The following ATXN10 variants were observed in gnomAD, a reference collection of about 807,000 sequenced individuals.
The protein encoded by ATXN10 is ataxin-10.
Under a neutral mutation model 52.9 loss-of-function variants are expected in ATXN10, and 28 were observed. That is an observed-to-expected ratio of 0.53 (90% CI 0.39 to 0.73). ATXN10 has a LOEUF of 0.73. Ranked by LOEUF, ATXN10 falls within the 30% of genes least tolerant of loss-of-function variation. The pLI is 0.00. For missense variants in ATXN10, 565 were observed against 577.0 expected (o/e 0.98, Z 0.21); for synonymous variants, 226 against 221.5 (o/e 1.02, Z -0.18).
intron 7 of ATXN10, among the ~76,000 whole-genome samples, chr22:45,735,125 C>T (rs538538905): frequency 1.3e-5 from 2 of 152,112 alleles, no homozygotes; most frequent in East Asian, 1.9e-4. Context: ...GTGATCCACC[C>T]GCCTCGGGCT....
rs570187521 is a variant in ATXN10, at chr22:45,696,533, G to A, written c.391+3455G>A. Among the ~76,000 whole-genome samples the A allele has an allele frequency of 1.1e-4, 17 of 152,294 alleles. No homozygotes were observed. The highest frequency in any genetic ancestry group is 2.4e-4 in the Non-Finnish European group (16 of 68,022). On this transcript the variant is annotated intron_variant, in intron 3 of 11. Transcript: ENST00000252934. The surrounding 1 kb of genome is among the most constrained non-coding windows in gnomAD (Gnocchi z 4.7). ...CCTCCACCATGTGCTGGATTTCATC[G>A]CCACTTGCCCACGCAGAAGCTTTTC...
chr22:45,672,019 G>C lies in ATXN10; in HGVS notation c.-45G>C. 6.6e-7 allele frequency: 1 copy of C among 1,526,448 alleles called. No individual in the cohort carries two copies. The highest frequency in any genetic ancestry group is 8.8e-7 in the Non-Finnish European group (1 of 1,139,840). The allele number at this position is 1,526,448 out of a possible 1,614,324, so 94.6% of individuals were successfully genotyped here. The stretch of plus-strand genomic sequence containing the variant: ...GTCATCCTCCCCCTTCGTCCTCCTC[G>C]CCTTCCTCCTCCTCGTCAGGCTCGA... On this transcript the variant is annotated 5_prime_UTR_variant, in exon 1 of 12. Coordinates refer to ENST00000252934, the MANE Select transcript of ATXN10 (RefSeq NM_013236.4).
At position 45,770,245 on chromosome 22, in the gene ATXN10, A is replaced by C. The variant is rs556854304; in HGVS notation, c.1173+29707A>C. On this transcript the variant is annotated intron_variant, in intron 9 of 11. Coordinates refer to ENST00000252934, the MANE Select transcript of ATXN10 (RefSeq NM_013236.4). The surrounding 1 kb of genome is among the most constrained non-coding windows in gnomAD (Gnocchi z 4.5). ...CCCATATCTATTTAAATCCCATCTT[A>C]AGCAGAGTTTTTAAAAATGTGGGTT... Among the ~76,000 whole-genome samples the C allele has an allele frequency of 2.0e-5, 3 of 152,340 alleles. No homozygotes were observed. In the South Asian group the frequency reaches 6.2e-4, roughly 32 times the overall value.
At chr22:45,720,554 C>T (rs542383662) in intron 6 of ATXN10, among the ~76,000 whole-genome samples, 121 of 152,250 alleles carry the variant, frequency 7.9e-4, no homozygotes, top group Non-Finnish European at 1.5e-3. Context: ...AGGATGTTCA[C>T]ATTGCTGTGC....
At chr22:45,751,745 AAAAAAAAAAT>A (rs1369242222) in intron 9 of ATXN10, among the ~76,000 whole-genome samples, 1,198 of 27,142 alleles carry the variant, frequency 0.044, 13 homozygotes, top group African/African-American at 0.19. Flanking sequence ...TTCTGGAAAA[AAAAAAAAAAT>A]AAAAAAAAAA....
At chr22:45,747,028 G>A (rs184677933) in intron 9 of ATXN10, among the ~76,000 whole-genome samples, 13 of 151,978 alleles carry the variant, frequency 8.6e-5, no homozygotes, top group African/African-American at 1.9e-4. Flanking sequence ...TTATACCACC[G>A]TTACCACCAC....
rs1928715970 is a variant in ATXN10, at chr22:45,823,352, CT to C, written c.1237+16333del. ...TGAGGTCATAAAAGTATGCTAAAGG[CT>C]TTACAGTTTTGCCTTCTATCTGGAT... On this transcript the variant is annotated intron_variant, in intron 10 of 11. Coordinates refer to ENST00000252934, the MANE Select transcript of ATXN10 (RefSeq NM_013236.4). The surrounding 1 kb of genome is among the most constrained non-coding windows in gnomAD (Gnocchi z 4.9). 6.0e-6 allele frequency: 2 copies of C among 330,594 alleles called. No homozygotes were observed. Among genetic ancestry groups the C allele is most frequent in the Non-Finnish European group, 1.2e-5 (2 of 164,804 alleles). The allele number at this position is 330,594 out of a possible 1,614,324, so 20.5% of individuals were successfully genotyped here. A position where few individuals can be genotyped will look rare whatever the true frequency, so the allele number is the denominator to read the frequency against.
In ATXN10 at chr22:45,750,004, G is replaced by A. The variant is rs961423871; in HGVS notation, c.1173+9466G>A. On this transcript the variant is annotated intron_variant, in intron 9 of 11. Transcript: ENST00000252934. The surrounding 1 kb of genome is among the most constrained non-coding windows in gnomAD (Gnocchi z 4.2). ...GTAATGTGCTGCCCATGATGATTCC[G>A]CAGTTTGTAAAAGTCATGAATCCAG... 2.0e-5 allele frequency among the ~76,000 whole-genome samples: 3 copies of A among 152,144 alleles called. No homozygotes were observed. Among genetic ancestry groups the A allele is most frequent in the African/African-American group, 4.8e-5 (2 of 41,424 alleles).
At position 45,695,215 on chromosome 22, in the gene ATXN10, T is replaced by C. The variant is rs1047032938; in HGVS notation, c.391+2137T>C. On this transcript the variant is annotated intron_variant, in intron 3 of 11. Transcript: ENST00000252934. ...GGTGGGCACCTGTAGTCCCAGCTAC[T>C]GGGGAGGCTGAGGCAGGAGAATGGC... Among the ~76,000 whole-genome samples the C allele has an allele frequency of 1.0e-4, 15 of 148,724 alleles. 1 individual carries two copies. The highest frequency in any genetic ancestry group is 3.6e-3 in the Middle Eastern group (1 of 278).
chr22:45,787,576 G>C lies in ATXN10; in HGVS notation c.1174-19383G>C, dbSNP rs114615997. 0.012 allele frequency among the ~76,000 whole-genome samples: 1,769 copies of C among 152,254 alleles called. 32 individuals carry two copies. The highest frequency in any genetic ancestry group is 0.04 in the African/African-American group (1,679 of 41,534). On this transcript the variant is annotated intron_variant, in intron 9 of 11. Coordinates refer to ENST00000252934, the MANE Select transcript of ATXN10 (RefSeq NM_013236.4). The surrounding 1 kb of genome is among the most constrained non-coding windows in gnomAD (Gnocchi z 4.2). ...GGAAGGAATGCTGTCCAGTCGTCTT[G>C]AGTTGAACGTTCTCATCAATACTTT...
At chr22:45,771,999 C>G (rs1285623841) in intron 9 of ATXN10, among the ~76,000 whole-genome samples, 1 of 152,150 alleles carries the variant, frequency 6.6e-6, no homozygotes, top group Non-Finnish European at 1.5e-5. Context: ...GAGATGTGAT[C>G]CACAGTATTT....
At chr22:45,742,182 C>CCT (rs1925562033) in intron 9 of ATXN10, among the ~76,000 whole-genome samples, 1 of 151,282 alleles carries the variant, frequency 6.6e-6, no homozygotes, top group African/African-American at 2.4e-5. Flanking sequence ...TAATAATTGC[C>CCT]CTCTAAAAAA....
rs532177705 is a variant in ATXN10 at position 45,705,581 on chromosome 22, C to T, written c.647+2734C>T. Reference sequence around the variant, plus strand: ...CTGAATAGCTGGGATTGCAGGTGCCCGCCACCACACCCGGCTAATTTTTTT... The same window carrying T: ...CTGAATAGCTGGGATTGCAGGTGCCTGCCACCACACCCGGCTAATTTTTTT... On this transcript the variant is annotated intron_variant, in intron 5 of 11. Coordinates refer to ENST00000252934, the MANE Select transcript of ATXN10 (RefSeq NM_013236.4). This position sits in a 1 kb window ranked among gnomAD's most constrained non-coding sequence, Gnocchi z 5.2. 3.9e-5 allele frequency among the ~76,000 whole-genome samples: 6 copies of T among 152,134 alleles called. No homozygotes were observed. The highest frequency in any genetic ancestry group is 6.5e-5 in the Admixed American group (1 of 15,292).
intron 9 of ATXN10, among the ~76,000 whole-genome samples, chr22:45,747,570 G>A (rs1331822378): frequency 6.6e-6 from 1 of 152,134 alleles, no homozygotes; most frequent in Non-Finnish European, 1.5e-5. Context: ...GTCATTGCTT[G>A]GCTTGTAACA....
At chr22:45,755,506 T>C (rs1926141904) in intron 9 of ATXN10, among the ~76,000 whole-genome samples, 1 of 152,154 alleles carries the variant, frequency 6.6e-6, no homozygotes, top group Non-Finnish European at 1.5e-5. Context: ...TCCCCTTCCC[T>C]CCTCCTGGCC....
At chr22:45,753,425 T>TTTTTTTTTTTTTTTTC (rs1926062234) in intron 9 of ATXN10, among the ~76,000 whole-genome samples, 1 of 98,050 alleles carries the variant, frequency 1.0e-5, no homozygotes, top group Non-Finnish European at 1.9e-5. Context: ...TTTTTTTTTT[T>TTTTTTTTTTTTTTTTC]GAGACAGAGT....
chr22:45,753,855 A>G (rs1926081304), intron 9 of ATXN10, among the ~76,000 whole-genome samples: 1 of 152,146 alleles, frequency 6.6e-6, no homozygotes, highest in Admixed American at 6.5e-5. Flanking sequence ...TAACTGCTAC[A>G]CAGAGATTTT....
intron 10 of ATXN10, among the ~76,000 whole-genome samples, chr22:45,830,824 G>A (rs572973898): frequency 6.6e-6 from 1 of 152,240 alleles, no homozygotes; most frequent in Admixed American, 6.5e-5. Context: ...GTTAAAGATA[G>A]AATTACTATA....
At chr22:45,777,267 C>T (rs917399332) in intron 9 of ATXN10, among the ~76,000 whole-genome samples, 1 of 152,110 alleles carries the variant, frequency 6.6e-6, no homozygotes, top group African/African-American at 2.4e-5. Context: ...TCTGTTATGT[C>T]GTTGTTACCA....
Sources: gnomAD v4.1 joint callset for allele counts (sites outside exome capture counted in the v4.1 genomes callset) on GRCh38, gnomAD v4.1.1 for gene constraint, Gnocchi (gnomAD v3.1) non-coding constraint, MANE v1.5 for transcripts, NCBI Gene and HGNC (gene_info 2026-07-23, HGNC 2026-07-21) for gene names.